Variants in KIFC3 observed in about 807,000 individuals in gnomAD.
KIFC3 encodes kinesin-like protein KIFC3.
A neutral mutation model predicts 101.8 loss-of-function variants in KIFC3; 60 were observed. That is an observed-to-expected ratio of 0.59 (90% confidence interval 0.48 to 0.73). The LOEUF (loss-of-function observed/expected upper bound fraction) is 0.73. Ranked by LOEUF, KIFC3 falls within the 30% of genes least tolerant of loss-of-function variation. The pLI, the probability that KIFC3 is intolerant of heterozygous loss-of-function variation, is 0.00. For synonymous variants in KIFC3, 476 were observed against 482.7 expected (o/e 0.99, Z 0.18); for missense variants, 966 against 1,137.1 (o/e 0.85, Z 2.16).
chr16:57,858,203 CT>C (rs1382333077), intron 1 of KIFC3, among the ~76,000 whole-genome samples: 1 of 152,004 alleles, frequency 6.6e-6, no homozygotes, highest in East Asian at 1.9e-4. Flanking sequence ...CAATAGCTTT[CT>C]TTTTTTAGCT....
At chr16:57,762,360 T>A in intron 12 of KIFC3, 90 bp from the exon 13 acceptor site, 1 of 1,325,298 alleles carries the variant, frequency 7.5e-7, no homozygotes, top group Non-Finnish European at 9.9e-7. Context: ...TGACTACCCC[T>A]CACAAGCAAG....
intron 1 of KIFC3, among the ~76,000 whole-genome samples, chr16:57,826,340 A>G (rs2055457202): frequency 6.6e-6 from 1 of 152,222 alleles, no homozygotes; most frequent in South Asian, 2.1e-4. Context: ...CCAGTTCCCT[A>G]TTAACAGGTA....
chr16:57,770,256 A>G (rs930663057), intron 7 of KIFC3, among the ~76,000 whole-genome samples: 2 of 152,240 alleles, frequency 1.3e-5, no homozygotes, highest in African/African-American at 2.4e-5. Flanking sequence ...GAGCTTACTG[A>G]GCACAGCCTG....
chr16:57,774,994 C>T (rs1264534942), intron 3 of KIFC3: 4 of 1,533,904 alleles, frequency 2.6e-6, no homozygotes, highest in Non-Finnish European at 3.5e-6. Context: ...ATCATCTCCA[C>T]TGCCGCCCCT....
rs1555605337 is a variant in KIFC3, at chr16:57,769,338, C to T, written c.1218+257G>A. Among the ~76,000 whole-genome samples the T allele has an allele frequency of 6.6e-6, 1 of 152,150 alleles. No individual in the cohort carries two copies. Among genetic ancestry groups the T allele is most frequent in the East Asian group, 1.9e-4 (1 of 5,196 alleles). On this transcript the variant is annotated intron_variant, in intron 9 of 19. Transcript: ENST00000445690. This position sits in a 1 kb window ranked among gnomAD's most constrained non-coding sequence, Gnocchi z 4.3. ...GGTGTGAGCCACCGCGCCTGGCCTG[C>T]ATGTTTGAAATATGAAGTTATCTGT...
chr16:57,769,797 G>A lies in KIFC3; in HGVS notation c.1087+11C>T, dbSNP rs782555412. 8.1e-6 allele frequency: 13 copies of A among 1,613,216 alleles called. No individual in the cohort carries two copies. In the Admixed American group the frequency reaches 1.8e-4, roughly 23 times the overall value. On this transcript the variant is annotated intron_variant, in intron 8 of 19. Coordinates refer to ENST00000445690, the MANE Select transcript of KIFC3 (RefSeq NM_001130100.2). The surrounding 1 kb of genome is among the most constrained non-coding windows in gnomAD (Gnocchi z 4.3). ...GGCGTGGGGCAGACAGGGCCCAGCT[G>A]GTCAGCTCACCTGCTAGATTCTCGT...
chr16:57,776,485 C>T, intron 3 of KIFC3: 1 of 867,190 alleles, frequency 1.2e-6, no homozygotes, highest in Non-Finnish European at 1.4e-6. Flanking sequence ...CATCCCCTTA[C>T]CTGCTGGGTA....
intron 3 of KIFC3, among the ~76,000 whole-genome samples, chr16:57,790,547 C>T (rs2149161546): frequency 1.3e-5 from 2 of 152,204 alleles, no homozygotes; most frequent in African/African-American, 4.8e-5. Context: ...CGGCAAGGCC[C>T]GTGTGTGAAG....
intron 3 of KIFC3, chr16:57,785,667 C>T (rs1446253376): frequency 3.2e-5 from 40 of 1,234,722 alleles, no homozygotes; most frequent in Non-Finnish European, 4.1e-5. Context: ...AGACGCCCAC[C>T]TACGAGCAAA....
chr16:57,847,266 G>A (rs1419472573), intron 1 of KIFC3, among the ~76,000 whole-genome samples: 2 of 72,376 alleles, frequency 2.8e-5, no homozygotes, highest in African/African-American at 1.7e-4. Context: ...AAGGAAGGAA[G>A]GAAGGGAAGG....
chr16:57,860,022 A>AAAAAATAAAATAAAATAAAAT (rs2056260237), intron 1 of KIFC3, among the ~76,000 whole-genome samples: 3 of 86,898 alleles, frequency 3.5e-5, no homozygotes, highest in Non-Finnish European at 4.9e-5. Flanking sequence ...ACTCTGTCTC[A>AAAAAATAAAATAAAATAAAAT]AAAATAAAAT....
In KIFC3 at chr16:57,771,661, C is replaced by T. The variant is rs782186318; in HGVS notation, c.407G>A (p.Arg136Gln). ...ELGGTDLEKH[R>Q]DLLMVENERL... ...CTCATTCTCCACCATCAGCAGGTCC[C>T]GGTGCTTCTCCAAGTCGGTGCCCCC... The change falls in exon 5 of 20, where the codon CGG becomes CAG. Residue 136 changes from arginine to glutamine, a missense_variant. Physicochemically the swap from Arg to Gln is conservative, Grantham distance 43. This residue lies in a region of KIFC3 where 277 missense variants were observed against 252.5 expected (regional missense o/e 1.10). Coordinates refer to ENST00000445690, the MANE Select transcript of KIFC3 (RefSeq NM_001130100.2). 27 of 1,612,542 alleles carry T rather than the reference C, an allele frequency of 1.7e-5. No homozygotes were observed. The highest frequency in any genetic ancestry group is 1.2e-4 in the South Asian group (11 of 90,924).
chr16:57,801,125 G>C (rs1422318093), intron 1 of KIFC3, among the ~76,000 whole-genome samples: 3 of 152,234 alleles, frequency 2.0e-5, no homozygotes, highest in Non-Finnish European at 4.4e-5. Context: ...CCAGTGGTGG[G>C]TGAATGCAGA....
At position 57,759,148 on chromosome 16, in the gene KIFC3, G is replaced by A. The variant is rs190752355; in HGVS notation, c.*1C>T. On this transcript the variant is annotated 3_prime_UTR_variant, in exon 19 of 20. Coordinates refer to ENST00000445690, the MANE Select transcript of KIFC3 (RefSeq NM_001130100.2). Reference sequence around the variant, plus strand: ...ACCTAGAGACTCTGCAGCCCCAGCCGTCAGGCTGAAATCAAAGTGACAGGC... The same window carrying A: ...ACCTAGAGACTCTGCAGCCCCAGCCATCAGGCTGAAATCAAAGTGACAGGC... 9.7e-6 allele frequency: 15 copies of A among 1,550,762 alleles called. No homozygotes were observed. The highest frequency in any genetic ancestry group is 1.7e-4 in the Middle Eastern group (1 of 6,014).
upstream of KIFC3, chr16:57,802,607 G>T: frequency 1.0e-6 from 1 of 1,000,982 alleles, no homozygotes; most frequent in Non-Finnish European, 1.2e-6. The surrounding 1 kb of genome is among the most constrained non-coding windows in gnomAD (Gnocchi z 5.0). Flanking sequence ...GCACTGGCGC[G>T]CACGCGTCAG....
intron 1 of KIFC3, among the ~76,000 whole-genome samples, chr16:57,799,492 C>A (rs1266628688): frequency 6.6e-6 from 1 of 152,172 alleles, no homozygotes; most frequent in Non-Finnish European, 1.5e-5. Context: ...TATGGGCCCA[C>A]ACACATTCAT....
At chr16:57,818,690 A>G (rs782730233) in intron 1 of KIFC3, among the ~76,000 whole-genome samples, 44 of 152,106 alleles carry the variant, frequency 2.9e-4, no homozygotes, top group Non-Finnish European at 4.0e-4. Context: ...CCCCAGATCC[A>G]GTATACTGCA....
chr16:57,851,114 C>T (rs1203719926), intron 1 of KIFC3, among the ~76,000 whole-genome samples: 1 of 151,984 alleles, frequency 6.6e-6, no homozygotes, highest in African/African-American at 2.4e-5. Context: ...AGGCTCCAGG[C>T]ATCCTCCCAC....
intron 1 of KIFC3, among the ~76,000 whole-genome samples, chr16:57,850,952 TCC>T (rs2056040794): frequency 1.2e-4 from 1 of 8,372 alleles, no homozygotes; most frequent in South Asian, 9.1e-3. Context: ...CCTCCCTCCT[TCC>T]TTCCTTCCTT....
Sources: allele counts gnomAD v4.1 joint callset (sites outside exome capture counted in the v4.1 genomes callset), GRCh38; gene constraint gnomAD v4.1.1; regional missense constraint gnomAD v4.1.1; non-coding constraint Gnocchi (gnomAD v3.1); transcripts MANE v1.5; gene names NCBI Gene and HGNC (gene_info 2026-07-23, HGNC 2026-07-21).